Variants in RIMS1 observed in about 807,000 individuals in gnomAD.
RIMS1 encodes regulating synaptic membrane exocytosis 1.
Under a neutral mutation model 214.1 loss-of-function variants are expected in RIMS1, and 83 were observed. The ratio of observed to expected loss-of-function variants is 0.39; its 90% CI spans 0.32 to 0.47. The LOEUF (loss-of-function observed/expected upper bound fraction) is 0.47. RIMS1 is among the 20% of genes least tolerant of loss of function. RIMS1 has a pLI of 0.99. For synonymous variants in RIMS1, 793 were observed against 786.8 expected, an observed-to-expected ratio of 1.01 and a Z score of -0.13; for missense variants, 2,050 against 2,161.8, an observed-to-expected ratio of 0.95 and a Z score of 1.03.
At chr6:72,133,915 C>G (rs1362647631) in intron 4 of RIMS1, among the ~76,000 whole-genome samples, 1 of 152,112 alleles carries the variant, frequency 6.6e-6, no homozygotes, top group Admixed American at 6.6e-5. Flanking sequence ...TGGCTGCATA[C>G]TTATAAGTTG....
At chr6:72,054,215 A>T (rs189653720) in intron 2 of RIMS1, among the ~76,000 whole-genome samples, 47 of 152,180 alleles carry the variant, frequency 3.1e-4, no homozygotes, top group Admixed American at 1.9e-3. Flanking sequence ...GCTGAGGTTG[A>T]TGGCTTCCTG....
At chr6:72,317,576 A>G (rs1222453775) in intron 28 of RIMS1, 4 of 157,998 alleles carry the variant, frequency 2.5e-5, no homozygotes, top group African/African-American at 9.6e-5. Flanking sequence ...TGGAATGTCA[A>G]TCTTGATATT....
At chr6:72,357,550 A>G (rs962122535) in intron 29 of RIMS1, among the ~76,000 whole-genome samples, 4 of 152,210 alleles carry the variant, frequency 2.6e-5, no homozygotes, top group African/African-American at 9.6e-5. Flanking sequence ...GAGGCTAGCT[A>G]TATGACTTTG....
chr6:72,199,544 A>G (rs2496524), intron 6 of RIMS1, among the ~76,000 whole-genome samples: 108,030 of 151,932 alleles, frequency 0.71, 38,765 homozygotes, highest in East Asian at 0.84. Flanking sequence ...TGTCTGCATG[A>G]AAATAAAGGT....
At position 72,014,502 on chromosome 6, in the gene RIMS1, G is replaced by A. The variant is rs149413798; in HGVS notation, c.245+45439G>A. Among the ~76,000 whole-genome samples, 17 of 152,132 alleles carry A rather than the reference G, an allele frequency of 1.1e-4. No individual in the cohort carries two copies. The East Asian group carries it at 2.3e-3, about 21-fold the overall frequency. On this transcript the variant is annotated intron_variant, in intron 2 of 33. Coordinates refer to ENST00000521978, the MANE Select transcript of RIMS1 (RefSeq NM_014989.7). ...ATGGATATACCACTTTTATTTATCCGGACATCAGTTGTTGGACATTTGGGT... is the reference window on the plus strand; with the variant it reads ...ATGGATATACCACTTTTATTTATCCAGACATCAGTTGTTGGACATTTGGGT...
intron 1 of RIMS1, among the ~76,000 whole-genome samples, chr6:71,960,458 T>C (rs1792599676): frequency 6.6e-6 from 1 of 152,204 alleles, no homozygotes; most frequent in African/African-American, 2.4e-5. Context: ...CACTTTTTGA[T>C]CAATATGCTT....
At chr6:72,321,451 A>C (rs2096157029) in intron 28 of RIMS1, among the ~76,000 whole-genome samples, 1 of 152,106 alleles carries the variant, frequency 6.6e-6, no homozygotes, top group Non-Finnish European at 1.5e-5. Flanking sequence ...TGTATTCTTA[A>C]CTGGTTACTT....
intron 4 of RIMS1, among the ~76,000 whole-genome samples, chr6:72,134,535 T>A (rs552878377): frequency 6.6e-6 from 1 of 152,196 alleles, no homozygotes; most frequent in East Asian, 1.9e-4. Context: ...AAACCTGGCT[T>A]CTCTACTCAT....
intron 4 of RIMS1, among the ~76,000 whole-genome samples, chr6:72,140,440 C>A (rs1025669090): frequency 2.0e-5 from 3 of 151,956 alleles, no homozygotes; most frequent in African/African-American, 7.2e-5. Flanking sequence ...TTTAAAAATT[C>A]TTTAATATTT....
intron 2 of RIMS1, among the ~76,000 whole-genome samples, chr6:71,996,319 A>G (rs1803411548): frequency 6.6e-6 from 1 of 152,214 alleles, no homozygotes; most frequent in Non-Finnish European, 1.5e-5. Context: ...CAAATTGGCT[A>G]TAAATAGCAT....
At chr6:71,936,297 A>C (rs867178204) in intron 1 of RIMS1, among the ~76,000 whole-genome samples, 1 of 129,860 alleles carries the variant, frequency 7.7e-6, no homozygotes, top group African/African-American at 2.9e-5. Context: ...ACTGCACTCC[A>C]GCCTGGGCGA....
At chr6:72,258,325 A>G (rs1475443797) in intron 17 of RIMS1, 44 bp downstream of exon 17, 2 of 1,533,768 alleles carry the variant, frequency 1.3e-6, no homozygotes, top group Non-Finnish European at 1.8e-6. Flanking sequence ...GTACATTTTT[A>G]TTATAATGCA....
intron 24 of RIMS1, among the ~76,000 whole-genome samples, chr6:72,288,622 T>A (rs2092807782): frequency 6.6e-6 from 1 of 152,190 alleles, no homozygotes; most frequent in South Asian, 2.1e-4. Flanking sequence ...ATTTCTTGAT[T>A]AATTGTCCTT....
chr6:72,038,820 T>C (rs1820636624), intron 2 of RIMS1, among the ~76,000 whole-genome samples: 1 of 152,130 alleles, frequency 6.6e-6, no homozygotes, highest in African/African-American at 2.4e-5. Context: ...CCAAGGCTCT[T>C]ATGTGGTTTG....
chr6:72,266,109 C>G (rs1035919577), intron 22 of RIMS1, 60 bp downstream of exon 22: 3 of 1,252,314 alleles, frequency 2.4e-6, no homozygotes, highest in Non-Finnish European at 3.4e-6. Context: ...TTTTCAGTCA[C>G]TTTGTTTTGT....
At chr6:72,159,537 T>A (rs952299628) in intron 4 of RIMS1, among the ~76,000 whole-genome samples, 1 of 141,250 alleles carries the variant, frequency 7.1e-6, no homozygotes, top group Non-Finnish European at 1.6e-5. Flanking sequence ...AACATTTAAA[T>A]CTTTAATCCA....
intron 1 of RIMS1, among the ~76,000 whole-genome samples, chr6:71,887,411 C>T (rs940457158): frequency 6.6e-6 from 1 of 151,960 alleles, no homozygotes; most frequent in Admixed American, 6.6e-5. Context: ...ACCCAAAGGC[C>T]GGGGGAGGAT....
intron 10 of RIMS1, among the ~76,000 whole-genome samples, chr6:72,244,135 A>G (rs9446606): frequency 0.019 from 2,908 of 151,842 alleles, 120 homozygotes; most frequent in African/African-American, 0.067. Flanking sequence ...TTCTAAATAT[A>G]ACTTACAAGC....
At position 72,160,962 on chromosome 6, in the gene RIMS1, C is replaced by A; in HGVS notation, c.472-18613C>A. The stretch of plus-strand genomic sequence containing the variant: ...GGAATAGTTTCAGAAGGAATGGTAC[C>A]AGCTCATTCTTGTATCTTTGGTAGA... On this transcript the variant is annotated intron_variant, in intron 4 of 33. Coordinates refer to ENST00000521978, the MANE Select transcript of RIMS1 (RefSeq NM_014989.7). Among the ~76,000 whole-genome samples, 2 of 139,138 alleles carry A rather than the reference C, an allele frequency of 1.4e-5. 1 individual carries two copies. Among genetic ancestry groups the A allele is most frequent in the East Asian group, 4.1e-4 (2 of 4,930 alleles). The allele number at this position is 139,138 out of a possible 152,430, so 91.3% of individuals were successfully genotyped here.
Sources: allele counts gnomAD v4.1 joint callset (sites outside exome capture counted in the v4.1 genomes callset), GRCh38; gene constraint gnomAD v4.1.1; transcripts MANE v1.5; gene names NCBI Gene and HGNC (gene_info 2026-07-23, HGNC 2026-07-21).